The following TTBK2 variants were observed in gnomAD, a reference collection of about 807,000 sequenced individuals.
The protein encoded by TTBK2 is tau tubulin kinase 2.
In TTBK2, 28 loss-of-function variants were observed where a neutral mutation model predicts 110.8. That is an observed-to-expected ratio of 0.25 (90% CI 0.19 to 0.35). The LOEUF (loss-of-function observed/expected upper bound fraction) is 0.35, where lower values mean the gene tolerates loss of function less well. Ranked by LOEUF, TTBK2 falls within the 10% of genes least tolerant of loss-of-function variation. The pLI is 1.00. For synonymous variants in TTBK2, 532 were observed against 527.3 expected, an observed-to-expected ratio of 1.01 and a Z score of -0.12; for missense variants, 1,369 against 1,500.3, an observed-to-expected ratio of 0.91 and a Z score of 1.45.
At chr15:42,814,779 T>C (rs918694839) in intron 7 of TTBK2, among the ~76,000 whole-genome samples, 4 of 152,200 alleles carry the variant, frequency 2.6e-5, no homozygotes, top group East Asian at 1.9e-4. Flanking sequence ...TTGTGAACTA[T>C]GTTACTGAGT....
intron 1 of TTBK2, among the ~76,000 whole-genome samples, chr15:42,884,633 C>T (rs145938839): frequency 6.6e-6 from 1 of 152,206 alleles, no homozygotes; most frequent in African/African-American, 2.4e-5. Context: ...GCCCCACTCA[C>T]AAGCTCTGGG....
chr15:42,861,444 T>G (rs1026564537), intron 3 of TTBK2, among the ~76,000 whole-genome samples: 1 of 151,976 alleles, frequency 6.6e-6, no homozygotes, highest in African/African-American at 2.4e-5. Flanking sequence ...ACCAAAAAGA[T>G]CTATCAAAAC....
chr15:42,868,188 G>A (rs777960025), intron 3 of TTBK2, among the ~76,000 whole-genome samples: 1 of 152,138 alleles, frequency 6.6e-6, no homozygotes, highest in Non-Finnish European at 1.5e-5. Flanking sequence ...CCTGACATAC[G>A]ATGGTTCAAC....
rs1567008633 is a variant in TTBK2 at position 42,763,139 on chromosome 15, CATACATAT to C, written c.1999-9900_1999-9893del. Reference sequence around the variant, plus strand: ...ATATACACATATATATACATATATACATACATATATATATATACATATATATATATATA... The same window carrying C: ...ATATACACATATATATACATATATACATATATATACATATATATATATATA... On this transcript the variant is annotated intron_variant, in intron 13 of 14. Coordinates refer to ENST00000267890, the MANE Select transcript of TTBK2 (RefSeq NM_173500.4). Among the ~76,000 whole-genome samples, 45 of 57,250 alleles carry C rather than the reference CATACATAT, an allele frequency of 7.9e-4. 1 individual carries two copies. The highest frequency in any genetic ancestry group is 4.2e-3 in the African/African-American group (44 of 10,596). 37.6% of individuals were successfully genotyped at this position (57,250 alleles called of 152,430 possible).
At chr15:42,860,311 A>T (rs946936228) in intron 3 of TTBK2, among the ~76,000 whole-genome samples, 1 of 152,112 alleles carries the variant, frequency 6.6e-6, no homozygotes, top group Non-Finnish European at 1.5e-5. Flanking sequence ...ACATCTAAAC[A>T]TACTATTTTC....
chr15:42,767,005 A>G (rs1403755297), intron 13 of TTBK2, among the ~76,000 whole-genome samples: 1 of 152,240 alleles, frequency 6.6e-6, no homozygotes, highest in African/African-American at 2.4e-5. Flanking sequence ...AACTACATGG[A>G]AACTGAACAA....
intron 10 of TTBK2, 77 bp downstream of exon 10, chr15:42,794,567 G>T: frequency 6.3e-7 from 1 of 1,598,324 alleles, no homozygotes; most frequent in Non-Finnish European, 8.6e-7. Flanking sequence ...TCATCTGAGG[G>T]AATCTGGATG....
Position 42,777,144 on chromosome 15 carries a change from C to A in TTBK2, c.1296G>T (p.Gln432His). ...SPIRVRSEIT[Q>H]PDRDIPLVRK... ...GCACCAGTGGAATATCTCTGTCTGG[C>A]TGAGTAATCTCTGAGCGGACACGAA... Residue 432 changes from glutamine (Q) to histidine (H), a missense_variant, in exon 12 of 15, where the codon CAG (glutamine) becomes CAT (histidine). Transcript: ENST00000267890. 1 of 1,614,198 alleles carries A rather than the reference C, an allele frequency of 6.2e-7. No homozygotes were observed. Among genetic ancestry groups the A allele is most frequent in the Non-Finnish European group, 8.5e-7 (1 of 1,180,048 alleles).
intron 1 of TTBK2, among the ~76,000 whole-genome samples, chr15:42,897,796 A>C (rs1895723586): frequency 6.6e-6 from 1 of 151,066 alleles, no homozygotes; most frequent in South Asian, 2.1e-4. Context: ...AATGAATCTG[A>C]GAAAACTGAA....
chr15:42,752,119 G>C lies in TTBK2; in HGVS notation c.3127C>G (p.Pro1043Ala). The C allele has an allele frequency of 6.2e-7, 1 of 1,614,212 alleles. No individual in the cohort carries two copies. Among genetic ancestry groups the C allele is most frequent in the South Asian group, 1.1e-5 (1 of 91,086 alleles). ...SRSAEDSFLSPIISQSRKSKI... is the reference protein window; with the variant it reads ...SRSAEDSFLSAIISQSRKSKI... ...CTCTTTCTAGACTGGGAGATGATGG[G>C]TGACAGAAAGCTATCTTCAGCTGAC... is the stretch of plus-strand genomic sequence containing the variant. Residue 1043 changes from proline to alanine, a missense_variant, in exon 14 of 15, where the codon CCC becomes GCC. Pro to Ala is a conservative substitution (Grantham distance 27, BLOSUM62 -1). Transcript: ENST00000267890.
At chr15:42,811,834 T>C (rs942036926) in intron 7 of TTBK2, 54 bp from the exon 8 acceptor site, 61 of 1,530,786 alleles carry the variant, frequency 4.0e-5, no homozygotes, top group East Asian at 2.3e-5. Context: ...GTGAGTACAT[T>C]ACATTGTTCA....
chr15:42,752,786 A>C lies in TTBK2; in HGVS notation c.2460T>G (p.Thr820=). The change falls in exon 14 of 15, where the codon ACT becomes ACG. Residue 820 remains threonine, a synonymous_variant. Coordinates refer to ENST00000267890, the MANE Select transcript of TTBK2 (RefSeq NM_173500.4). ...GTGTTTTTGTCACATCAAGAGGTTC[A>C]GTAGTAGCTGAGTGATCCTTTTCCA... ...VIVEKDHSAT[T]EPLDVTKTQT... is the part of the protein sequence containing the mutation. The C allele has an allele frequency of 6.2e-7, 1 of 1,614,208 alleles. No homozygotes were observed. Among genetic ancestry groups the C allele is most frequent in the East Asian group, 2.2e-5 (1 of 44,882 alleles).
At chr15:42,768,920 C>A (rs942093980) in intron 13 of TTBK2, among the ~76,000 whole-genome samples, 1 of 152,110 alleles carries the variant, frequency 6.6e-6, no homozygotes, top group Non-Finnish European at 1.5e-5. Flanking sequence ...GATACATAGA[C>A]CAATGGAACA....
intron 5 of TTBK2, among the ~76,000 whole-genome samples, chr15:42,828,421 A>G (rs759552354): frequency 2.3e-4 from 35 of 151,620 alleles, no homozygotes; most frequent in Non-Finnish European, 4.4e-4. Context: ...ATTTAAAAGA[A>G]TTTCCTATAA....
chr15:42,900,785 T>G (rs2141188375), intron 1 of TTBK2, among the ~76,000 whole-genome samples: 1 of 152,314 alleles, frequency 6.6e-6, no homozygotes. Flanking sequence ...GATGGGGGAA[T>G]TCCTCTTTTG....
intron 1 of TTBK2, among the ~76,000 whole-genome samples, chr15:42,909,627 C>T (rs538568192): frequency 4.0e-5 from 6 of 151,864 alleles, no homozygotes; most frequent in African/African-American, 1.5e-4. Flanking sequence ...CAAAACTACG[C>T]TAAAAAGAAA....
At chr15:42,806,898 G>T (rs1335134286) in intron 9 of TTBK2, among the ~76,000 whole-genome samples, 1 of 151,080 alleles carries the variant, frequency 6.6e-6, no homozygotes, top group Non-Finnish European at 1.5e-5. Flanking sequence ...TCTTCTTCCA[G>T]TGTGGCCCAG....
intron 1 of TTBK2, among the ~76,000 whole-genome samples, chr15:42,892,748 G>A (rs1046962968): frequency 2.1e-5 from 3 of 140,338 alleles, no homozygotes; most frequent in Non-Finnish European, 3.0e-5. Context: ...GGTGGCTCAC[G>A]CCTGTAATTT....
chr15:42,888,004 C>T (rs1895312320), intron 1 of TTBK2, among the ~76,000 whole-genome samples: 1 of 152,140 alleles, frequency 6.6e-6, no homozygotes, highest in African/African-American at 2.4e-5. Flanking sequence ...AACTCCTTTC[C>T]TTCCTAGGCA....
Sources: allele counts gnomAD v4.1 joint callset (sites outside exome capture counted in the v4.1 genomes callset), GRCh38; gene constraint gnomAD v4.1.1; transcripts MANE v1.5; gene names NCBI Gene and HGNC (gene_info 2026-07-23, HGNC 2026-07-21).